Variants in FAM3B observed in about 807,000 individuals in gnomAD.
The protein encoded by FAM3B is FAM3 metabolism regulating signaling molecule B, also known as protein FAM3B.
FAM3B carries 29 observed loss-of-function variants against 28.4 expected under a neutral mutation model. The observed-to-expected ratio is 1.02, with a 90% CI of 0.76 to 1.39. The LOEUF (loss-of-function observed/expected upper bound fraction) is 1.39. FAM3B is among the 40% of genes most tolerant of loss of function. The pLI is 0.00. For missense variants in FAM3B, 266 were observed against 293.9 expected (o/e 0.91, Z 0.69); for synonymous variants, 91 against 103.0 (o/e 0.88, Z 0.71).
chr21:41,328,222 A>C (rs745660571), intron 2 of FAM3B, among the ~76,000 whole-genome samples: 4 of 152,180 alleles, frequency 2.6e-5, no homozygotes, highest in Admixed American at 2.0e-4. Context: ...ATTCCCATTC[A>C]TGTATTCTCT....
chr21:41,333,777 T>C (rs910531191), intron 2 of FAM3B, among the ~76,000 whole-genome samples: 7 of 152,134 alleles, frequency 4.6e-5, no homozygotes, highest in Non-Finnish European at 1.0e-4. Flanking sequence ...TTGGAGAGTT[T>C]GGAGGCTCAG....
intron 1 of FAM3B, 67 bp from the exon 2 acceptor site, chr21:41,322,856 G>A (rs2088819485): frequency 1.2e-6 from 2 of 1,613,166 alleles, no homozygotes; most frequent in Non-Finnish European, 1.7e-6. Context: ...CAGGGGGGAT[G>A]GGGAGGGCCA....
At chr21:41,354,259 T>TGTCAG (rs2089145681) in intron 7 of FAM3B, among the ~76,000 whole-genome samples, 1 of 152,268 alleles carries the variant, frequency 6.6e-6, no homozygotes. Context: ...ACAGAAATAC[T>TGTCAG]ATTTGACCAG....
intron 7 of FAM3B, among the ~76,000 whole-genome samples, chr21:41,353,904 A>G (rs938020265): frequency 7.2e-5 from 11 of 152,250 alleles, no homozygotes; most frequent in African/African-American, 2.4e-5. Flanking sequence ...GCATCTAACA[A>G]AAGTCTAATA....
rs778811034 is a variant in FAM3B, at chr21:41,338,942, G to A, written c.287+441G>A. ...ACAAAGTTAGACTACTTTAAAAAGC[G>A]AAGTTAGACTACTTTACTTTGAATA... On this transcript the variant is annotated intron_variant, in intron 3 of 7. Coordinates refer to ENST00000357985, the MANE Select transcript of FAM3B (RefSeq NM_058186.4). Among the ~76,000 whole-genome samples the A allele has an allele frequency of 8.5e-5, 13 of 152,302 alleles. 1 individual carries two copies. Among genetic ancestry groups the A allele is most frequent in the East Asian group, 1.9e-4 (1 of 5,180 alleles).
At chr21:41,349,727 C>G (rs755310632) in intron 7 of FAM3B, among the ~76,000 whole-genome samples, 9 of 152,208 alleles carry the variant, frequency 5.9e-5, no homozygotes, top group Non-Finnish European at 2.9e-5. Context: ...GGCCACACAA[C>G]CAGACAACTT....
chr21:41,349,785 C>T lies in FAM3B; in HGVS notation c.618+1061C>T, dbSNP rs561591134. 2.0e-5 allele frequency among the ~76,000 whole-genome samples: 3 copies of T among 152,336 alleles called. No homozygotes were observed. The South Asian group carries it at 6.2e-4, about 32-fold the overall frequency. On this transcript the variant is annotated intron_variant, in intron 7 of 7. Transcript: ENST00000357985. ...TAGACCTTCTGTGACCCCCTCTAGT[C>T]TCATGTTCCGGAGGCCCGGAAACCA...
rs540027831 is a variant in FAM3B at position 41,304,627 on chromosome 21, C to T, written n.99+317C>T. On this transcript the variant is annotated intron_variant and non_coding_transcript_variant, in intron 1 of 9. Coordinates refer to the FAM3B transcript ENST00000479810. Reference sequence around the variant, plus strand: ...TGGCCCAAGGCCTCCTGGCTTGCCCCGGCCTGCAGGCAGCGGGTGGGCACT... The same window carrying T: ...TGGCCCAAGGCCTCCTGGCTTGCCCTGGCCTGCAGGCAGCGGGTGGGCACT... Among the ~76,000 whole-genome samples, 15 of 152,342 alleles carry T rather than the reference C, an allele frequency of 9.8e-5. No individual in the cohort carries two copies. The East Asian group carries it at 2.1e-3, about 22-fold the overall frequency.
chr21:41,344,661 A>G (rs747340964), intron 4 of FAM3B, 127 bp downstream of exon 4: 1 of 664,176 alleles, frequency 1.5e-6, no homozygotes, highest in African/African-American at 1.8e-5. Flanking sequence ...GCATTTTAAG[A>G]TTATATACTC....
rs754894265 is a variant in FAM3B at position 41,323,045 on chromosome 21, G to C, written c.142G>C (p.Gly48Arg). The change falls in exon 2 of 8, where the codon GGG becomes CGG. Residue 48 changes from glycine (G) to arginine (R), a missense_variant. Gly to Arg is a moderately radical substitution (Grantham distance 125, BLOSUM62 -2). Coordinates refer to ENST00000357985, the MANE Select transcript of FAM3B (RefSeq NM_058186.4). Reference protein sequence around the residue: ...SSAAYSIRSIGERPVLKAPVP... With the variant: ...SSAAYSIRSIRERPVLKAPVP... Reference sequence around the variant, plus strand: ...TGCTGCCTATAGCATCCGCAGCATCGGGGAGAGGCCTGTCCTCAAAGGTGA... The same window carrying C: ...TGCTGCCTATAGCATCCGCAGCATCCGGGAGAGGCCTGTCCTCAAAGGTGA... 3.7e-5 allele frequency: 59 copies of C among 1,606,110 alleles called. No homozygotes were observed. Among genetic ancestry groups the C allele is most frequent in the Admixed American group, 2.5e-4 (15 of 60,016 alleles).
chr21:41,311,953 T>C (rs2088716629), upstream of FAM3B, among the ~76,000 whole-genome samples: 1 of 152,222 alleles, frequency 6.6e-6, no homozygotes, highest in African/African-American at 2.4e-5. Flanking sequence ...CTCATGTAGA[T>C]GGCAGCAGGC....
chr21:41,322,449 C>A, intron 1 of FAM3B: 1 of 631,430 alleles, frequency 1.6e-6, no homozygotes, highest in South Asian at 1.8e-5. Context: ...TGGGCATCGG[C>A]TACTATTCCC....
chr21:41,334,798 C>T (rs1298496922), intron 2 of FAM3B, among the ~76,000 whole-genome samples: 4 of 152,192 alleles, frequency 2.6e-5, no homozygotes, highest in African/African-American at 9.6e-5. Context: ...TGGCAGCTTG[C>T]ACCCTCAGCA....
At chr21:41,352,781 C>T (rs1010662171) in intron 7 of FAM3B, among the ~76,000 whole-genome samples, 20 of 132,006 alleles carry the variant, frequency 1.5e-4, no homozygotes, top group Admixed American at 2.2e-4. Flanking sequence ...GCAACATTAG[C>T]GAAACTCCAT....
upstream of FAM3B, chr21:41,316,741 G>T (rs1601347043): frequency 2.2e-5 from 17 of 771,358 alleles, no homozygotes; most frequent in Non-Finnish European, 2.9e-5. Context: ...CCATTTGCCC[G>T]ACTGGCCGCG....
intron 6 of FAM3B, 98 bp downstream of exon 6, chr21:41,347,198 A>C (rs2089069251): frequency 1.0e-6 from 1 of 964,360 alleles, no homozygotes; most frequent in African/African-American, 1.6e-5. Flanking sequence ...GGACAAGCAG[A>C]AAGTCCAGGA....
intron 2 of FAM3B, among the ~76,000 whole-genome samples, chr21:41,335,653 T>C (rs948112255): frequency 7.2e-5 from 11 of 152,314 alleles, no homozygotes; most frequent in Admixed American, 6.5e-4. Context: ...TTAAATCTCT[T>C]TTCTTTATAA....
intron 2 of FAM3B, among the ~76,000 whole-genome samples, chr21:41,333,917 T>C (rs1033409574): frequency 2.0e-5 from 3 of 152,182 alleles, no homozygotes; most frequent in Admixed American, 1.3e-4. Flanking sequence ...GAGGAACTTA[T>C]TGGGAAATGG....
At chr21:41,343,729 A>G (rs1278671036) in intron 3 of FAM3B, among the ~76,000 whole-genome samples, 1 of 152,220 alleles carries the variant, frequency 6.6e-6, no homozygotes, top group Admixed American at 6.5e-5. Context: ...TTCAGCAATA[A>G]TTACCATCTC....
Sources: allele counts gnomAD v4.1 joint callset (sites outside exome capture counted in the v4.1 genomes callset), GRCh38; gene constraint gnomAD v4.1.1; transcripts MANE v1.5; gene names NCBI Gene and HGNC (gene_info 2026-07-23, HGNC 2026-07-21).